Variants in ASCC1 observed in about 807,000 individuals in gnomAD.
The protein encoded by ASCC1 is ASC-1 complex subunit P50.
In ASCC1, 35 loss-of-function variants were observed where a neutral mutation model predicts 46.6. The ratio of observed to expected loss-of-function variants is 0.75; its 90% CI spans 0.57 to 0.99. The LOEUF (loss-of-function observed/expected upper bound fraction) is 0.99. Among genes scored for constraint, ASCC1 ranks in the 50% least tolerant of loss-of-function variants. The probability of loss-of-function intolerance (pLI) is 0.00; values close to 1 mark genes in which losing one functional copy is unlikely to be tolerated. For missense variants in ASCC1, 376 were observed against 428.7 expected (o/e 0.88, Z 1.09); for synonymous variants, 143 against 146.6 (o/e 0.98, Z 0.18).
chr10:72,161,764 A>G, intron 5 of ASCC1, 90 bp from the exon 6 acceptor site: 1 of 1,479,244 alleles, frequency 6.8e-7, no homozygotes, highest in Admixed American at 1.7e-5. Flanking sequence ...AAACCCACAC[A>G]CCTACAGCCA....
chr10:72,101,899 G>C (rs1229457254), intron 9 of ASCC1, among the ~76,000 whole-genome samples: 1 of 152,092 alleles, frequency 6.6e-6, no homozygotes, highest in Non-Finnish European at 1.5e-5. Context: ...AGCCATGAAT[G>C]AAACTATAAA....
intron 5 of ASCC1, among the ~76,000 whole-genome samples, chr10:72,194,482 C>T (rs1265751727): frequency 3.3e-5 from 5 of 151,836 alleles, no homozygotes; most frequent in Admixed American, 6.6e-5. Flanking sequence ...TGAAGGTAAT[C>T]TGGATGTCTA....
chr10:72,213,820 A>C (rs1285802750), intron 1 of ASCC1, among the ~76,000 whole-genome samples: 2 of 150,872 alleles, frequency 1.3e-5, no homozygotes, highest in African/African-American at 4.9e-5. Flanking sequence ...CAGGCAGATC[A>C]CAAGGTCAGG....
Position 72,102,498 on chromosome 10 carries a change from T to G in ASCC1, c.958-5048A>C, listed in dbSNP as rs763121437. The G allele has an allele frequency of 5.9e-5, 64 of 1,077,738 alleles. No homozygotes were observed. In the Middle Eastern group the frequency reaches 7.4e-4, roughly 12 times the overall value. 66.8% of individuals were successfully genotyped at this position (1,077,738 alleles called of 1,614,324 possible). On this transcript the variant is annotated intron_variant, in intron 9 of 9. Transcript: ENST00000672957. ...TATTGAGTTGTAGTTCTTTTTATAC[T>G]AGGGAAATGAACCTTTTTTGTCTAT...
intron 9 of ASCC1, among the ~76,000 whole-genome samples, chr10:72,114,452 C>T (rs1397301452): frequency 6.6e-6 from 1 of 151,942 alleles, no homozygotes; most frequent in Non-Finnish European, 1.5e-5. Context: ...GGTGAAACCC[C>T]GTCTCTACTA....
intron 5 of ASCC1, among the ~76,000 whole-genome samples, chr10:72,162,357 G>C (rs373579556): frequency 1.6e-4 from 25 of 152,002 alleles, no homozygotes; most frequent in East Asian, 7.8e-4. Flanking sequence ...ATTTTTAGTA[G>C]AGAACAGGGT....
intron 9 of ASCC1, among the ~76,000 whole-genome samples, chr10:72,109,661 C>A (rs1257629625): frequency 6.6e-6 from 1 of 152,200 alleles, no homozygotes; most frequent in Non-Finnish European, 1.5e-5. Context: ...GGCCAAATGA[C>A]CTATTAGAGG....
intron 9 of ASCC1, among the ~76,000 whole-genome samples, chr10:72,100,795 A>T (rs1841665107): frequency 6.6e-6 from 1 of 152,180 alleles, no homozygotes. Flanking sequence ...ACTGTACTGT[A>T]ACATTATCTA....
At chr10:72,126,761 G>A (rs2132215806) in intron 9 of ASCC1, among the ~76,000 whole-genome samples, 1 of 152,316 alleles carries the variant, frequency 6.6e-6, no homozygotes, top group African/African-American at 2.4e-5. Context: ...GGAGGAGAAA[G>A]ATTCATATCA....
intron 7 of ASCC1, among the ~76,000 whole-genome samples, chr10:72,142,251 C>A (rs1847109530): frequency 6.6e-6 from 1 of 151,994 alleles, no homozygotes; most frequent in Non-Finnish European, 1.5e-5. Flanking sequence ...TTAGATTTTT[C>A]TGTTCCTAAT....
chr10:72,167,799 C>A (rs1301959014), intron 5 of ASCC1, among the ~76,000 whole-genome samples: 1 of 151,976 alleles, frequency 6.6e-6, no homozygotes, highest in African/African-American at 2.4e-5. Context: ...CCACACCTAG[C>A]TAATTTTTTT....
At position 72,170,666 on chromosome 10, in the gene ASCC1, C is replaced by T. The variant is rs573778080; in HGVS notation, c.490-8992G>A. On this transcript the variant is annotated intron_variant, in intron 5 of 9. Transcript: ENST00000672957. ...TGGAAATGTTCCAGATTCAAGGAGG[C>T]TAGAAACATGACAATTAAATACAAC... Among the ~76,000 whole-genome samples the T allele has an allele frequency of 6.0e-5, 9 of 151,036 alleles. No homozygotes were observed. The South Asian group carries it at 1.9e-3, about 32-fold the overall frequency.
rs1449624226 is a variant in ASCC1 at position 72,096,445 on chromosome 10, G to C, written c.*889C>G. 1 of 454,180 alleles carries C rather than the reference G, an allele frequency of 2.2e-6. No homozygotes were observed. The highest frequency in any genetic ancestry group is 1.6e-5 in the South Asian group (1 of 64,470). 28.1% of individuals were successfully genotyped at this position (454,180 alleles called of 1,614,324 possible). A position where few individuals can be genotyped will look rare whatever the true frequency, so the allele number is the denominator to read the frequency against. On this transcript the variant is annotated 3_prime_UTR_variant, in exon 10 of 10. Coordinates refer to ENST00000672957, the MANE Select transcript of ASCC1 (RefSeq NM_001198800.3). ...AGGGGCATGGGAAGATGAGGGTGGG[G>C]ATGGGGTGAAGGAACAGGAATCCAA...
intron 5 of ASCC1, among the ~76,000 whole-genome samples, chr10:72,187,065 T>C (rs56235921): frequency 0.14 from 21,588 of 151,874 alleles, 4,368 homozygotes; most frequent in African/African-American, 0.45. Context: ...CATTTACCAG[T>C]TAAAATAATT....
chr10:72,136,197 A>G (rs906233481), intron 7 of ASCC1, among the ~76,000 whole-genome samples: 9 of 152,058 alleles, frequency 5.9e-5, no homozygotes, highest in African/African-American at 1.9e-4. Context: ...AGCCAGCTGG[A>G]CTTCCTGGGT....
chr10:72,155,326 A>G (rs1295347482), intron 6 of ASCC1, among the ~76,000 whole-genome samples: 2 of 152,238 alleles, frequency 1.3e-5, no homozygotes, highest in African/African-American at 4.8e-5. Context: ...TATATACTAA[A>G]TAATTCTATT....
intron 5 of ASCC1, among the ~76,000 whole-genome samples, chr10:72,165,405 C>T (rs533492438): frequency 3.3e-5 from 5 of 152,218 alleles, no homozygotes; most frequent in Non-Finnish European, 5.9e-5. Context: ...CATGAGCCAC[C>T]GCGCCCGGCC....
rs763845791 is a variant in ASCC1 at position 72,133,056 on chromosome 10, C to T, written c.871+1G>A. 1.2e-6 allele frequency: 2 copies of T among 1,614,004 alleles called. No individual in the cohort carries two copies. Among genetic ancestry groups the T allele is most frequent in the Admixed American group, 3.3e-5 (2 of 60,012 alleles). On this transcript the variant is annotated splice_donor_variant, in intron 8 of 9. Coordinates refer to ENST00000672957, the MANE Select transcript of ASCC1 (RefSeq NM_001198800.3). LOFTEE classifies it high-confidence loss of function. ...GTGCTATAGTTCTCTGGGGGACTTA[C>T]CATTGGGGTCTTTCCTGAATAGTGT...
chr10:72,187,960 A>G (rs1853751106), intron 5 of ASCC1, among the ~76,000 whole-genome samples: 1 of 151,654 alleles, frequency 6.6e-6, no homozygotes, highest in African/African-American at 2.4e-5. Context: ...CTCAAAAAAA[A>G]GAAAAAAAAA....
Sources: allele counts gnomAD v4.1 joint callset (sites outside exome capture counted in the v4.1 genomes callset), GRCh38; gene constraint gnomAD v4.1.1; transcripts MANE v1.5; gene names NCBI Gene and HGNC (gene_info 2026-07-23, HGNC 2026-07-21).